PRICKLE1: variants seen among roughly 807,000 people sequenced by gnomAD.
PRICKLE1 encodes the protein prickle planar cell polarity protein 1, also known as prickle-like protein 1.
A neutral mutation model predicts 70.2 loss-of-function variants in PRICKLE1; 14 were observed. The observed-to-expected ratio is 0.20, with a 90% CI of 0.13 to 0.31. The LOEUF is 0.31. PRICKLE1 is among the 10% of genes least tolerant of loss of function. The pLI is 1.00. For missense variants in PRICKLE1, 821 were observed against 1,026.2 expected, an observed-to-expected ratio of 0.80 and a Z score of 2.73; for synonymous variants, 357 against 379.9, an observed-to-expected ratio of 0.94 and a Z score of 0.70.
chr12:42,465,293 T>C (rs770738244), intron 6 of PRICKLE1, 35 bp from the exon 7 acceptor site: 3 of 1,609,390 alleles, frequency 1.9e-6, no homozygotes, highest in Non-Finnish European at 2.6e-6. Flanking sequence ...TAACAGGTTA[T>C]GGTTTAATGC....
chr12:42,522,207 C>G (rs1270315674), intron 1 of PRICKLE1, among the ~76,000 whole-genome samples: 1 of 151,964 alleles, frequency 6.6e-6, no homozygotes, highest in East Asian at 1.9e-4. Context: ...AACACCAGAC[C>G]TCAGGTGATC....
At chr12:42,517,305 CATTT>C (rs1939627164) in intron 1 of PRICKLE1, among the ~76,000 whole-genome samples, 1 of 64,966 alleles carries the variant, frequency 1.5e-5, no homozygotes, top group African/African-American at 6.5e-5. Context: ...CTCAGTCTGC[CATTT>C]TTTTTTTTTT....
At chr12:42,582,406 C>CTATGAAGCATATGTATGAAGCA (rs1940916883) in intron 1 of PRICKLE1, among the ~76,000 whole-genome samples, 1 of 152,184 alleles carries the variant, frequency 6.6e-6, no homozygotes, top group South Asian at 2.1e-4. Context: ...TTCAAAATTC[C>CTATGAAGCATATGTATGAAGCA]TATGAAGCAT....
At chr12:42,512,522 G>C (rs1939532974) in intron 1 of PRICKLE1, among the ~76,000 whole-genome samples, 1 of 152,090 alleles carries the variant, frequency 6.6e-6, no homozygotes, top group Non-Finnish European at 1.5e-5. Flanking sequence ...GCATTTTAGT[G>C]TGCCTATTAT....
Position 42,530,214 on chromosome 12 carries a change from G to A in PRICKLE1, c.-48-57650C>T, listed in dbSNP as rs149441869. Among the ~76,000 whole-genome samples the A allele has an allele frequency of 1.1e-3, 165 of 152,230 alleles. 2 individuals carry two copies. In the East Asian group the frequency reaches 0.027, roughly 25 times the overall value. On this transcript the variant is annotated intron_variant, in intron 1 of 7. Transcript: ENST00000345127. Reference sequence around the variant, plus strand: ...CTGCCTCGGCCTCTCAAGGTGCTGGGATTACAGGCATAAGCCACTGCGCCC... The same window carrying A: ...CTGCCTCGGCCTCTCAAGGTGCTGGAATTACAGGCATAAGCCACTGCGCCC...
At chr12:42,522,002 T>C (rs1399506041) in intron 1 of PRICKLE1, among the ~76,000 whole-genome samples, 3 of 149,452 alleles carry the variant, frequency 2.0e-5, no homozygotes, top group Non-Finnish European at 4.5e-5. Flanking sequence ...TTTGACAGAG[T>C]TTCGCTCTTG....
chr12:42,488,957 C>G (rs925977135), intron 1 of PRICKLE1, among the ~76,000 whole-genome samples: 1 of 134,622 alleles, frequency 7.4e-6, no homozygotes, highest in African/African-American at 3.0e-5. Flanking sequence ...GAGTTTCGCT[C>G]TTGTTGCCCA....
chr12:42,498,598 T>C (rs1329919107), intron 1 of PRICKLE1, among the ~76,000 whole-genome samples: 4 of 152,154 alleles, frequency 2.6e-5, no homozygotes, highest in African/African-American at 4.8e-5. Flanking sequence ...ACCTGGACAA[T>C]AGGATGAAAC....
intron 1 of PRICKLE1, among the ~76,000 whole-genome samples, chr12:42,506,131 A>ACT (rs5797802): frequency 0.17 from 26,328 of 152,092 alleles, 3,023 homozygotes; most frequent in African/African-American, 0.31. Context: ...GACTCTCAGG[A>ACT]CTTTTATGAA....
intron 1 of PRICKLE1, among the ~76,000 whole-genome samples, chr12:42,563,812 G>A (rs1189666650): frequency 6.6e-6 from 1 of 151,714 alleles, no homozygotes; most frequent in Non-Finnish European, 1.5e-5. Context: ...CAGACAGGGA[G>A]AGTATACGAT....
intron 1 of PRICKLE1, among the ~76,000 whole-genome samples, chr12:42,501,171 AG>A (rs778228435): frequency 6.6e-6 from 1 of 151,914 alleles, no homozygotes; most frequent in Non-Finnish European, 1.5e-5. Flanking sequence ...TGATATGGCT[AG>A]ACAATCTCTG....
At chr12:42,544,216 A>G (rs550797378) in intron 1 of PRICKLE1, among the ~76,000 whole-genome samples, 1 of 152,306 alleles carries the variant, frequency 6.6e-6, no homozygotes, top group East Asian at 1.9e-4. Flanking sequence ...CACTATTTAC[A>G]AATTTACGAG....
In PRICKLE1 at chr12:42,528,699, A is replaced by G. The variant is rs867251217; in HGVS notation, c.-48-56135T>C. On this transcript the variant is annotated intron_variant, in intron 1 of 7. Transcript: ENST00000345127. ...CAGGCAGAAGTTGATGTAATTAGAA[A>G]TGTTCAGAATATGCCAGTTTGTGAG... Among the ~76,000 whole-genome samples the G allele has an allele frequency of 6.6e-5, 10 of 152,336 alleles. No individual in the cohort carries two copies. The Middle Eastern group carries it at 0.02, about 311-fold the overall frequency.
intron 1 of PRICKLE1, chr12:42,483,612 C>T (rs1938889774): frequency 6.6e-6 from 1 of 151,974 alleles, no homozygotes. Flanking sequence ...GTCCCCACTA[C>T]ATTGCAGCGG....
In PRICKLE1 at chr12:42,464,484, T is replaced by C; in HGVS notation, c.1550A>G (p.Tyr517Cys). 6.2e-7 allele frequency: 1 copy of C among 1,614,092 alleles called. No individual in the cohort carries two copies. The highest frequency in any genetic ancestry group is 1.1e-5 in the South Asian group (1 of 91,084). Reference protein sequence around the residue: ...SGYNHDETQWYEDSLECLSDL... With the variant: ...SGYNHDETQWCEDSLECLSDL... ...TGACAGACACTCCAGGGAATCTTCA[T>C]ACCACTGTGTTTCATCATGATTATA... The change falls in exon 7 of 8, where the codon TAT (tyrosine) becomes TGT (cysteine). Residue 517 changes from tyrosine to cysteine, a missense_variant. Transcript: ENST00000345127. This position sits in a 1 kb window ranked among gnomAD's most constrained non-coding sequence, Gnocchi z 4.2.
At chr12:42,537,403 G>A (rs192857245) in intron 1 of PRICKLE1, among the ~76,000 whole-genome samples, 417 of 152,172 alleles carry the variant, frequency 2.7e-3, no homozygotes, top group Non-Finnish European at 4.7e-3. Flanking sequence ...GGGCTCAAGC[G>A]ACCATCCTGC....
intron 1 of PRICKLE1, among the ~76,000 whole-genome samples, chr12:42,535,657 C>A (rs552030918): frequency 6.6e-6 from 1 of 152,248 alleles, no homozygotes; most frequent in East Asian, 1.9e-4. Context: ...TGGTTACACA[C>A]CCTCTAGTCC....
Position 42,459,498 on chromosome 12 carries a change from A to G in PRICKLE1, c.*311T>C, listed in dbSNP as rs1359894895. ...CTCCATCTTCTAAAATCAACATCCA[A>G]TCCCCTTCAGTCAGCATCTTCAGTA... is the stretch of plus-strand genomic sequence containing the variant. On this transcript the variant is annotated 3_prime_UTR_variant, in exon 8 of 8. Coordinates refer to ENST00000345127, the MANE Select transcript of PRICKLE1 (RefSeq NM_153026.3). 1 of 644,018 alleles carries G rather than the reference A, an allele frequency of 1.6e-6. No homozygotes were observed. Among genetic ancestry groups the G allele is most frequent in the South Asian group, 1.8e-5 (1 of 56,536 alleles). The allele number at this position is 644,018 out of a possible 1,614,324, so 39.9% of individuals were successfully genotyped here.
intron 1 of PRICKLE1, among the ~76,000 whole-genome samples, chr12:42,503,375 C>T (rs1421391911): frequency 6.6e-6 from 1 of 152,160 alleles, no homozygotes; most frequent in Admixed American, 6.6e-5. Flanking sequence ...CATGTCCAGA[C>T]TTCCCGCACA....
Sources: gnomAD v4.1 joint callset for allele counts (sites outside exome capture counted in the v4.1 genomes callset) on GRCh38, gnomAD v4.1.1 for gene constraint, Gnocchi (gnomAD v3.1) non-coding constraint, MANE v1.5 for transcripts, NCBI Gene and HGNC (gene_info 2026-07-23, HGNC 2026-07-21) for gene names.